DNHD1: variants seen among roughly 807,000 people sequenced by gnomAD.
DNHD1 encodes the protein dynein heavy chain domain 1.
Under a neutral mutation model 458.1 loss-of-function variants are expected in DNHD1, and 383 were observed. That is an observed-to-expected ratio of 0.84 (90% CI 0.77 to 0.91). The LOEUF is 0.91. Among genes scored for constraint, DNHD1 ranks in the 40% least tolerant of loss-of-function variants. DNHD1 has a pLI of 0.00. For missense variants in DNHD1, 5,336 were observed against 5,866.1 expected (o/e 0.91, Z 2.95); for synonymous variants, 2,203 against 2,376.9 (o/e 0.93, Z 2.13).
chr11:6,564,900 T>C (rs1853664826), intron 32 of DNHD1, 96 bp downstream of exon 32: 1 of 1,103,540 alleles, frequency 9.1e-7, no homozygotes, highest in African/African-American at 1.6e-5. Context: ...GGACACTGTA[T>C]TTTTGTGATC....
At chr11:6,529,284 T>C (rs1052602701) in intron 12 of DNHD1, among the ~76,000 whole-genome samples, 163 bp downstream of exon 12, 11 of 151,000 alleles carry the variant, frequency 7.3e-5, no homozygotes, top group African/African-American at 2.7e-4. Context: ...TCCTTTGCCA[T>C]CAAAGCTATG....
rs1340634808 is a variant in DNHD1 at position 6,568,787 on chromosome 11, C to A, written c.12784C>A (p.Leu4262Ile). The change falls in exon 39 of 43, where the codon CTA becomes ATA. Residue 4262 changes from leucine (L) to isoleucine (I), a missense_variant. Transcript: ENST00000254579. ...VLYMQPPTQALPLLLLHGLLL... is the reference protein window; with the variant it reads ...VLYMQPPTQAIPLLLLHGLLL... ...CTACATGCAACCCCCCACCCAGGCA[C>A]TACCTCTGCTCCTCCTCCATGGCCT... 3 of 1,613,548 alleles carry A rather than the reference C, an allele frequency of 1.9e-6. No individual in the cohort carries two copies. In the Admixed American group the frequency reaches 5.0e-5, roughly 27 times the overall value.
At chr11:6,562,909 G>A in intron 28 of DNHD1, 73 bp from the exon 29 acceptor site, 1 of 1,489,834 alleles carries the variant, frequency 6.7e-7, no homozygotes. Flanking sequence ...ACAGTTCCAG[G>A]ATCATAGGGT....
In DNHD1 at chr11:6,548,190, C is replaced by T. The variant is rs1853263944; in HGVS notation, c.6906-20C>T. On this transcript the variant is annotated intron_variant, in intron 22 of 42. Coordinates refer to ENST00000254579, the MANE Select transcript of DNHD1 (RefSeq NM_144666.3). The surrounding 1 kb of genome is among the most constrained non-coding windows in gnomAD (Gnocchi z 4.4). ...TGTTGTAACTGTCTGACGCTTTTGC[C>T]TGTGTGTCCATCTGAGCAGGTTCTG... is the stretch of plus-strand genomic sequence containing the variant. 1.3e-6 allele frequency: 2 copies of T among 1,550,396 alleles called. No homozygotes were observed. The highest frequency in any genetic ancestry group is 8.7e-7 in the Non-Finnish European group (1 of 1,145,914).
At position 6,557,063 on chromosome 11, in the gene DNHD1, T is replaced by A. The variant is rs1306028004; in HGVS notation, c.7768T>A (p.Ser2590Thr). ...ACCCCTCCACCCACACTACCACTTC[T>A]CCCTACACTCTGTGAGCCACCTACT... ...PSPLHPHYHF[S>T]LHSVSHLLSS... Residue 2590 changes from serine to threonine, a missense_variant, in exon 25 of 43, where the codon TCC becomes ACC. This residue lies in a region of DNHD1 where 3,932 missense variants were observed against 4,365.6 expected (regional missense o/e 0.90). Coordinates refer to ENST00000254579, the MANE Select transcript of DNHD1 (RefSeq NM_144666.3). 6.4e-7 allele frequency: 1 copy of A among 1,551,664 alleles called. No homozygotes were observed. Among genetic ancestry groups the A allele is most frequent in the Non-Finnish European group, 8.7e-7 (1 of 1,146,984 alleles).
chr11:6,546,026 T>C lies in DNHD1; in HGVS notation c.5087T>C (p.Ile1696Thr), dbSNP rs1853208336. The C allele has an allele frequency of 2.6e-6, 4 of 1,551,570 alleles. No homozygotes were observed. Among genetic ancestry groups the C allele is most frequent in the East Asian group, 4.9e-5 (2 of 40,896 alleles). The part of the protein sequence containing the change: ...LGPNGVGKRA[I>T]VNSLAQALGR... ...CCTAATGGTGTGGGCAAGAGAGCTATAGTGAACAGCCTGGCACAGGCCCTG... is the reference window on the plus strand; with the variant it reads ...CCTAATGGTGTGGGCAAGAGAGCTACAGTGAACAGCCTGGCACAGGCCCTG... Residue 1696 changes from isoleucine to threonine, a missense_variant, in exon 21 of 43, where the codon ATA becomes ACA. Ile to Thr is a moderately conservative substitution (Grantham distance 89). This residue lies in a region of DNHD1 where 3,932 missense variants were observed against 4,365.6 expected (regional missense o/e 0.90). Coordinates refer to ENST00000254579, the MANE Select transcript of DNHD1 (RefSeq NM_144666.3).
At chr11:6,567,915 TG>T in intron 36 of DNHD1, 55 bp downstream of exon 36, 1 of 1,507,354 alleles carries the variant, frequency 6.6e-7, no homozygotes, top group Non-Finnish European at 8.9e-7. Context: ...GGCTGGGGCA[TG>T]GGGGACCCCC....
chr11:6,535,100 T>G (rs1374633131), intron 14 of DNHD1, among the ~76,000 whole-genome samples: 1 of 152,210 alleles, frequency 6.6e-6, no homozygotes, highest in Admixed American at 6.5e-5. Context: ...CTCTCACTCA[T>G]TGCTTTTATC....
Position 6,563,461 on chromosome 11 carries a change from C to T in DNHD1, c.9749C>T (p.Pro3250Leu). Residue 3250 changes from proline (P) to leucine (L), a missense_variant, in exon 30 of 43, where the codon CCA becomes CTA. Transcript: ENST00000254579. Reference protein sequence around the residue: ...FEEIRSYRAPPESVVRVTDAM... With the variant: ...FEEIRSYRAPLESVVRVTDAM... ...GAGATACGGAGCTATCGAGCACCAC[C>T]AGAATCTGTGGTCCGGGTAACTGAT... 6.4e-7 allele frequency: 1 copy of T among 1,551,682 alleles called. No individual in the cohort carries two copies. Among genetic ancestry groups the T allele is most frequent in the Non-Finnish European group, 8.7e-7 (1 of 1,146,970 alleles).
Position 6,557,775 on chromosome 11 carries a change from T to C in DNHD1, c.8480T>C (p.Leu2827Pro). The change falls in exon 25 of 43, where the codon CTG (leucine) becomes CCG (proline). Residue 2827 changes from leucine (L) to proline (P), a missense_variant. This residue lies in a region of DNHD1 where 3,932 missense variants were observed against 4,365.6 expected (regional missense o/e 0.90). Transcript: ENST00000254579. ...CTGGTCTTCAGTCAGGAGCTGATACTGGGGCCTAACTCTGAGACCCCCAAC... is the reference window on the plus strand; with the variant it reads ...CTGGTCTTCAGTCAGGAGCTGATACCGGGGCCTAACTCTGAGACCCCCAAC... ...SDLVFSQELI[L>P]GPNSETPNLY... 1 of 1,551,670 alleles carries C rather than the reference T, an allele frequency of 6.4e-7. No individual in the cohort carries two copies. The highest frequency in any genetic ancestry group is 8.7e-7 in the Non-Finnish European group (1 of 1,146,986).
chr11:6,530,692 G>C lies in DNHD1; in HGVS notation c.2347+1571G>C, dbSNP rs1211794296. Among the ~76,000 whole-genome samples the C allele has an allele frequency of 7.2e-5, 11 of 152,296 alleles. No individual in the cohort carries two copies. The South Asian group carries it at 1.4e-3, about 20-fold the overall frequency. Reference sequence around the variant, plus strand: ...CTGTCTTGGCTCTCAACAGATGAAAGCACATGTATCATTAGGTATCCAGTG... The same window carrying C: ...CTGTCTTGGCTCTCAACAGATGAAACCACATGTATCATTAGGTATCCAGTG... On this transcript the variant is annotated intron_variant, in intron 12 of 42. Coordinates refer to ENST00000254579, the MANE Select transcript of DNHD1 (RefSeq NM_144666.3).
At chr11:6,507,538 T>G (rs1384300208) in intron 4 of DNHD1, among the ~76,000 whole-genome samples, 1 of 152,148 alleles carries the variant, frequency 6.6e-6, no homozygotes, top group African/African-American at 2.4e-5. Context: ...TGGAGTATAT[T>G]TTATACTCCA....
chr11:6,559,312 G>T (rs975095081), intron 28 of DNHD1, 29 bp downstream of exon 28: 1 of 1,542,212 alleles, frequency 6.5e-7, no homozygotes, highest in Non-Finnish European at 8.8e-7. Context: ...GGCTTCCATG[G>T]TGGTGTCAAA....
At position 6,558,239 on chromosome 11, in the gene DNHD1, C is replaced by T. The variant is rs773733503; in HGVS notation, c.8944C>T (p.Leu2982Phe). The change falls in exon 25 of 43, where the codon CTC (leucine) becomes TTC (phenylalanine). Residue 2982 changes from leucine (L) to phenylalanine (F), a missense_variant. By Grantham distance (22) the Leu-to-Phe change is conservative (BLOSUM62 0). Transcript: ENST00000254579. ...AGATTTGGACCGCATTGGAGAACAC[C>T]TCCCCAGGGAGAACCTTGGTGTCAA... Reference protein sequence around the residue: ...EADLDRIGEHLPRENLGVKQN... With the variant: ...EADLDRIGEHFPRENLGVKQN... 1.9e-6 allele frequency: 3 copies of T among 1,551,706 alleles called. No individual in the cohort carries two copies. In the South Asian group the frequency reaches 3.6e-5, roughly 18 times the overall value.
chr11:6,564,516 C>CA lies in DNHD1; in HGVS notation c.10473dup (p.Ser3492IlefsTer26). ...TGTGGCACAGGCACTGAAGCGGAAG[C>CA]AAAAATCTGTCAGCATACCACCAAA... is the stretch of plus-strand genomic sequence containing the variant. On this transcript the variant is annotated frameshift_variant, in exon 32 of 43. Coordinates refer to ENST00000254579, the MANE Select transcript of DNHD1 (RefSeq NM_144666.3). LOFTEE classifies it high-confidence loss of function. 1 of 1,551,680 alleles carries CA rather than the reference C, an allele frequency of 6.4e-7. No individual in the cohort carries two copies. Among genetic ancestry groups the CA allele is most frequent in the Non-Finnish European group, 8.7e-7 (1 of 1,146,984 alleles).
At chr11:6,551,619 A>C (rs1289938757) in intron 24 of DNHD1, among the ~76,000 whole-genome samples, 1 of 152,250 alleles carries the variant, frequency 6.6e-6, no homozygotes, top group Non-Finnish European at 1.5e-5. Context: ...GGAATGAAAG[A>C]GGTTTTATTA....
At chr11:6,566,148 A>T in intron 33 of DNHD1, 93 bp from the exon 34 acceptor site, 1 of 1,506,060 alleles carries the variant, frequency 6.6e-7, no homozygotes, top group East Asian at 2.5e-5. Context: ...TATCAGCCAC[A>T]GGGAAGCTGG....
At position 6,520,293 on chromosome 11, in the gene DNHD1, T is replaced by C. The variant is rs551945734; in HGVS notation, c.1837+4T>C. On this transcript the variant is annotated splice_donor_region_variant and intron_variant, in intron 10 of 42. Transcript: ENST00000254579. ...TCGGATTCCCTGTATTCTGAAGGTA[T>C]TTAGGGAGACCTAGGCAGGGGGTAG... 3.9e-6 allele frequency: 6 copies of C among 1,551,772 alleles called. No homozygotes were observed. The African/African-American group carries it at 8.2e-5, about 21-fold the overall frequency.
chr11:6,558,892 C>T lies in DNHD1; in HGVS notation c.9212-10C>T. On this transcript the variant is annotated splice_polypyrimidine_tract_variant and intron_variant, in intron 26 of 42. Coordinates refer to ENST00000254579, the MANE Select transcript of DNHD1 (RefSeq NM_144666.3). ...CTCACAGAGTGAGGCTAAAGCCATG[C>T]CCATTGCAGGCTCCTGGAAGTACCC... 1.3e-6 allele frequency: 2 copies of T among 1,551,536 alleles called. No individual in the cohort carries two copies. The highest frequency in any genetic ancestry group is 1.7e-6 in the Non-Finnish European group (2 of 1,146,858).
Sources: allele counts gnomAD v4.1 joint callset (sites outside exome capture counted in the v4.1 genomes callset), GRCh38; gene constraint gnomAD v4.1.1; regional missense constraint gnomAD v4.1.1; non-coding constraint Gnocchi (gnomAD v3.1); transcripts MANE v1.5; gene names NCBI Gene and HGNC (gene_info 2026-07-23, HGNC 2026-07-21).